CUX1: variants seen among roughly 807,000 people sequenced by gnomAD.
CUX1 encodes the protein protein CASP.
In CUX1, 31 loss-of-function variants were observed where a neutral mutation model predicts 158.8. The observed-to-expected ratio is 0.20, with a 90% CI of 0.15 to 0.26. The LOEUF (loss-of-function observed/expected upper bound fraction) is 0.26, where lower values mean the gene tolerates loss of function less well. Among genes scored for constraint, CUX1 ranks in the 10% least tolerant of loss-of-function variants. The pLI, the probability that CUX1 is intolerant of heterozygous loss-of-function variation, is 1.00. For missense variants in CUX1, 1,589 were observed against 2,014.6 expected (o/e 0.79, Z 4.04); for synonymous variants, 879 against 862.1 (o/e 1.02, Z -0.34).
intron 10 of CUX1, among the ~76,000 whole-genome samples, chr7:102,174,543 C>T (rs1469558952): frequency 6.6e-6 from 1 of 152,212 alleles, no homozygotes; most frequent in Non-Finnish European, 1.5e-5. Context: ...CCCCCTGGAT[C>T]GCTCCCCAAG....
intron 1 of CUX1, among the ~76,000 whole-genome samples, chr7:101,909,575 T>C (rs965271501): frequency 2.0e-5 from 3 of 152,218 alleles, no homozygotes; most frequent in African/African-American, 7.2e-5. Context: ...TTTGTACAAG[T>C]GATCTATTTT....
rs1223340853 is a variant in CUX1 at position 102,142,031 on chromosome 7, A to G, written c.675-16529A>G. On this transcript the variant is annotated intron_variant, in intron 8 of 23. Transcript: ENST00000292535. Reference sequence around the variant, plus strand: ...ACTTGGGAGTAAAGGCCAGGCTTTTAGTAGAGACAGGTTGCCTACCATGCC... The same window carrying G: ...ACTTGGGAGTAAAGGCCAGGCTTTTGGTAGAGACAGGTTGCCTACCATGCC... 8.5e-5 allele frequency among the ~76,000 whole-genome samples: 13 copies of G among 152,078 alleles called. No homozygotes were observed. In the East Asian group the frequency reaches 2.1e-3, roughly 25 times the overall value.
Position 102,099,690 on chromosome 7 carries a change from T to C in CUX1, c.406+2189T>C, listed in dbSNP as rs1829586419. 3.3e-5 allele frequency among the ~76,000 whole-genome samples: 5 copies of C among 152,106 alleles called. No homozygotes were observed. In the South Asian group the frequency reaches 1.0e-3, roughly 32 times the overall value. On this transcript the variant is annotated intron_variant, in intron 5 of 23. Coordinates refer to ENST00000292535, the MANE Select transcript of CUX1 (RefSeq NM_181552.4). ...AGTCCTCCCGCCTCAGCCTCCTGAGTAGCTGGGACTACAGGCATGTGTACC... is the reference window on the plus strand; with the variant it reads ...AGTCCTCCCGCCTCAGCCTCCTGAGCAGCTGGGACTACAGGCATGTGTACC...
rs899562527 is a variant in CUX1, at chr7:102,257,574, C to T, written c.*8532C>T. 13 of 985,210 alleles carry T rather than the reference C, an allele frequency of 1.3e-5. No individual in the cohort carries two copies. In the South Asian group the frequency reaches 1.9e-4, roughly 14 times the overall value. 61.0% of individuals were successfully genotyped at this position (985,210 alleles called of 1,614,324 possible). A position where few individuals can be genotyped will look rare whatever the true frequency, so the allele number is the denominator to read the frequency against. ...ATTGAATAAGAGACCTAGTTCTTTG[C>T]GTTTGTGCAATAACTCTTTGCTGCT... On this transcript the variant is annotated 3_prime_UTR_variant, in exon 24 of 24. Transcript: ENST00000292535.
At chr7:102,058,983 C>G (rs950476857) in intron 3 of CUX1, among the ~76,000 whole-genome samples, 1 of 152,178 alleles carries the variant, frequency 6.6e-6, no homozygotes, top group African/African-American at 2.4e-5. Context: ...GAGCAAGCAG[C>G]CAGCACCTCC....
intron 4 of CUX1, among the ~76,000 whole-genome samples, chr7:102,078,860 G>A (rs1827060523): frequency 6.6e-6 from 1 of 152,140 alleles, no homozygotes; most frequent in Admixed American, 6.5e-5. Context: ...TCCTCCCCCT[G>A]GGAGAGGTTT....
intron 20 of CUX1, among the ~76,000 whole-genome samples, chr7:102,207,335 A>C (rs1227992106): frequency 6.6e-6 from 1 of 152,116 alleles, no homozygotes; most frequent in African/African-American, 2.4e-5. Flanking sequence ...GCAAGAGGGG[A>C]GGTTGAGCAC....
rs782582750 is a variant in CUX1 at position 102,111,751 on chromosome 7, A to C, written c.584A>C (p.His195Pro). 6.2e-7 allele frequency: 1 copy of C among 1,614,200 alleles called. No individual in the cohort carries two copies. Among genetic ancestry groups the C allele is most frequent in the Non-Finnish European group, 8.5e-7 (1 of 1,179,998 alleles). ...STTSKLEEAE[H>P]KVQSLQTALE... ...ACCTCAAAGCTGGAGGAAGCTGAGC[A>C]TAAGGTTCAGAGCCTACAAACAGGT... The change falls in exon 7 of 24, where the codon CAT becomes CCT. Residue 195 changes from histidine (H) to proline (P), a missense_variant. His to Pro is a moderately conservative substitution (Grantham distance 77). Coordinates refer to ENST00000292535, the MANE Select transcript of CUX1 (RefSeq NM_181552.4).
chr7:101,948,113 G>A lies in CUX1; in HGVS notation c.141+31888G>A, dbSNP rs80173192. On this transcript the variant is annotated intron_variant, in intron 2 of 23. Coordinates refer to ENST00000292535, the MANE Select transcript of CUX1 (RefSeq NM_181552.4). ...GCCAGGCAGCCAGATTCGGCCAGGC[G>A]CCAAGAAATCAGCCCCAATTACTAT... Among the ~76,000 whole-genome samples the A allele has an allele frequency of 6.0e-3, 913 of 152,276 alleles. 8 individuals are homozygous for A. Among genetic ancestry groups the A allele is most frequent in the Non-Finnish European group, 0.01 (702 of 68,024 alleles).
At chr7:101,855,372 TGGTCTCTTTCTCCAGG>T (rs1796659993) in intron 1 of CUX1, among the ~76,000 whole-genome samples, 1 of 152,124 alleles carries the variant, frequency 6.6e-6, no homozygotes. Context: ...GTCCTCCGAG[TGGTCTCTTTCTCCAGG>T]GTGCTGGGGA....
intron 20 of CUX1, among the ~76,000 whole-genome samples, chr7:102,224,544 A>T (rs73187850): frequency 0.2 from 30,897 of 152,142 alleles, 3,814 homozygotes; most frequent in Non-Finnish European, 0.28. Flanking sequence ...CAGCCGCCAC[A>T]TGTCACTTTC....
chr7:101,836,128 G>A (rs911095785), intron 1 of CUX1, among the ~76,000 whole-genome samples: 3 of 152,068 alleles, frequency 2.0e-5, no homozygotes, highest in African/African-American at 7.2e-5. Context: ...CTATTTTTTT[G>A]TAGCCATTAG....
Position 101,854,612 on chromosome 7 carries a change from C to T in CUX1, c.30+36943C>T, listed in dbSNP as rs559793564. Among the ~76,000 whole-genome samples, 6 of 152,306 alleles carry T rather than the reference C, an allele frequency of 3.9e-5. No individual in the cohort carries two copies. In the South Asian group the frequency reaches 8.3e-4, roughly 21 times the overall value. ...GGCTGTTCCTAACAGTTGCCTCCTC[C>T]GATTGCTGGAGTAAGAAATGACACC... On this transcript the variant is annotated intron_variant, in intron 1 of 23. Transcript: ENST00000292535.
At chr7:102,074,409 G>A (rs1321882795) in intron 4 of CUX1, among the ~76,000 whole-genome samples, 2 of 152,180 alleles carry the variant, frequency 1.3e-5, no homozygotes, top group African/African-American at 4.8e-5. Flanking sequence ...GCCCAGGAGT[G>A]ACAGGCACCT....
chr7:102,050,141 C>G (rs1212629512), intron 3 of CUX1, among the ~76,000 whole-genome samples: 3 of 152,214 alleles, frequency 2.0e-5, no homozygotes, highest in Non-Finnish European at 2.9e-5. Context: ...TGACAAATCA[C>G]TGATCTTGGA....
At chr7:102,019,683 G>T (rs2129316650) in intron 2 of CUX1, among the ~76,000 whole-genome samples, 1 of 152,224 alleles carries the variant, frequency 6.6e-6, no homozygotes, top group Non-Finnish European at 1.5e-5. Context: ...CCCAAAGCCA[G>T]CCCTTCCCGT....
At chr7:102,218,055 G>T (rs984184290) in intron 20 of CUX1, among the ~76,000 whole-genome samples, 1 of 152,224 alleles carries the variant, frequency 6.6e-6, no homozygotes, top group Non-Finnish European at 1.5e-5. Context: ...TCGCTTGGCA[G>T]CAGGGACCTG....
At chr7:101,840,901 TA>T (rs1175886747) in intron 1 of CUX1, among the ~76,000 whole-genome samples, 7 of 144,264 alleles carry the variant, frequency 4.9e-5, no homozygotes, top group South Asian at 2.2e-4. Context: ...TTATTATTAT[TA>T]TTTTTTTTTG....
intron 8 of CUX1, among the ~76,000 whole-genome samples, chr7:102,151,283 C>G (rs1245998332): frequency 6.6e-6 from 1 of 152,092 alleles, no homozygotes. Flanking sequence ...CTGGGCGCGT[C>G]GGTTCACGCC....
Sources: gnomAD v4.1 joint callset for allele counts (sites outside exome capture counted in the v4.1 genomes callset) on GRCh38, gnomAD v4.1.1 for gene constraint, MANE v1.5 for transcripts, NCBI Gene and HGNC (gene_info 2026-07-23, HGNC 2026-07-21) for gene names.